Variants in DLGAP1 observed in about 807,000 individuals in gnomAD.
DLGAP1 encodes the protein DLG associated protein 1.
DLGAP1 carries 11 observed loss-of-function variants against 90.8 expected under a neutral mutation model. That is an observed-to-expected ratio of 0.12 (90% CI 0.08 to 0.20). DLGAP1 has a LOEUF of 0.20. Ranked by LOEUF, DLGAP1 falls within the 10% of genes least tolerant of loss-of-function variation. DLGAP1 has a pLI of 1.00. For synonymous variants in DLGAP1, 558 were observed against 540.7 expected, an observed-to-expected ratio of 1.03 and a Z score of -0.44; for missense variants, 1,050 against 1,333.8, an observed-to-expected ratio of 0.79 and a Z score of 3.31.
At chr18:3,768,994 T>C (rs1351225230) in intron 5 of DLGAP1, among the ~76,000 whole-genome samples, 2 of 152,054 alleles carry the variant, frequency 1.3e-5, no homozygotes, top group Admixed American at 6.5e-5. Context: ...AAGCTAGAAA[T>C]AGAAGATAAT....
At chr18:3,518,303 TTA>T (rs1253191248) in intron 10 of DLGAP1, among the ~76,000 whole-genome samples, 19 of 152,156 alleles carry the variant, frequency 1.2e-4, no homozygotes, top group Non-Finnish European at 1.8e-4. Flanking sequence ...GTTCACAGTC[TTA>T]TATGGGCACG....
At chr18:3,965,652 A>C (rs1266473521) in intron 3 of DLGAP1, among the ~76,000 whole-genome samples, 3 of 152,136 alleles carry the variant, frequency 2.0e-5, no homozygotes, top group Admixed American at 2.0e-4. Flanking sequence ...TACTGTTCTA[A>C]ATAATAGAGT....
intron 1 of DLGAP1, among the ~76,000 whole-genome samples, chr18:4,204,541 G>T (rs1015008155): frequency 3.3e-5 from 5 of 149,984 alleles, no homozygotes; most frequent in African/African-American, 1.2e-4. Context: ...TTTTCTGACC[G>T]CAGTGCATCA....
At chr18:4,153,424 T>C (rs1371242503) in intron 1 of DLGAP1, among the ~76,000 whole-genome samples, 1 of 152,204 alleles carries the variant, frequency 6.6e-6, no homozygotes, top group Non-Finnish European at 1.5e-5. Context: ...CCCAGGGCAT[T>C]TGCTTCTTGG....
intron 1 of DLGAP1, among the ~76,000 whole-genome samples, chr18:4,392,506 T>C (rs930303987): frequency 2.6e-5 from 4 of 152,156 alleles, no homozygotes; most frequent in South Asian, 2.1e-4. Context: ...AGGAATTTGA[T>C]CTTGTGTCAT....
chr18:4,009,681 G>C (rs1440628240), intron 2 of DLGAP1, among the ~76,000 whole-genome samples: 1 of 152,156 alleles, frequency 6.6e-6, no homozygotes, highest in Non-Finnish European at 1.5e-5. Context: ...GAAAATATTT[G>C]CATAATAACA....
chr18:4,097,002 A>T (rs1598396631), intron 2 of DLGAP1, among the ~76,000 whole-genome samples: 1 of 152,236 alleles, frequency 6.6e-6, no homozygotes, highest in African/African-American at 2.4e-5. Flanking sequence ...TGTCATCATT[A>T]TTCTTACAGG....
intron 4 of DLGAP1, among the ~76,000 whole-genome samples, chr18:3,860,256 A>C (rs1476262076): frequency 6.6e-6 from 1 of 152,132 alleles, no homozygotes; most frequent in Non-Finnish European, 1.5e-5. Context: ...AACTTTTGCA[A>C]TGTCTCTTAA....
intron 9 of DLGAP1, among the ~76,000 whole-genome samples, chr18:3,541,982 T>G (rs961118921): frequency 6.6e-6 from 1 of 152,132 alleles, no homozygotes; most frequent in Non-Finnish European, 1.5e-5. Flanking sequence ...TCATAATATG[T>G]CACCGGGGCT....
At chr18:4,418,310 A>C (rs1263448743) in intron 1 of DLGAP1, among the ~76,000 whole-genome samples, 2 of 152,180 alleles carry the variant, frequency 1.3e-5, no homozygotes, top group Non-Finnish European at 2.9e-5. Context: ...GTATATAGAA[A>C]GGCAAAAAGT....
intron 1 of DLGAP1, among the ~76,000 whole-genome samples, chr18:4,162,710 A>G (rs948351451): frequency 3.3e-5 from 5 of 152,128 alleles, no homozygotes; most frequent in Non-Finnish European, 7.4e-5. Context: ...GCCAATAATT[A>G]TTGTAATAAA....
At chr18:3,932,131 C>T (rs2072530741) in intron 3 of DLGAP1, among the ~76,000 whole-genome samples, 2 of 152,144 alleles carry the variant, frequency 1.3e-5, no homozygotes, top group South Asian at 4.1e-4. Flanking sequence ...AATAAGGCTG[C>T]TTCTAAAGTC....
chr18:3,992,669 C>A (rs2073992468), intron 3 of DLGAP1, among the ~76,000 whole-genome samples: 1 of 152,018 alleles, frequency 6.6e-6, no homozygotes, highest in Non-Finnish European at 1.5e-5. Flanking sequence ...AGAGCCAGAC[C>A]CTGTCTCTAA....
At chr18:4,210,746 C>G (rs894012685) in intron 1 of DLGAP1, among the ~76,000 whole-genome samples, 4 of 152,152 alleles carry the variant, frequency 2.6e-5, no homozygotes, top group African/African-American at 9.7e-5. Flanking sequence ...TTAGAAGATT[C>G]CTGATTCCAA....
At chr18:3,836,824 T>C (rs942355787) in intron 4 of DLGAP1, among the ~76,000 whole-genome samples, 5 of 152,350 alleles carry the variant, frequency 3.3e-5, no homozygotes, top group Admixed American at 2.0e-4. Context: ...ATTCTGCCAA[T>C]GCTTTTAATG....
Position 3,623,729 on chromosome 18 carries a change from G to A in DLGAP1, c.1592-41481C>T, listed in dbSNP as rs541688702. Among the ~76,000 whole-genome samples the A allele has an allele frequency of 1.5e-3, 228 of 148,146 alleles. 1 individual carries two copies. The highest frequency in any genetic ancestry group is 5.1e-3 in the African/African-American group (202 of 39,592). On this transcript the variant is annotated intron_variant, in intron 7 of 12. Coordinates refer to ENST00000315677, the MANE Select transcript of DLGAP1 (RefSeq NM_004746.4). Reference sequence around the variant, plus strand: ...GAGGCGGAGCTTGCAGTGAGCCGAGGTCACACTACTGCACCCCAGCCTGAG... The same window carrying A: ...GAGGCGGAGCTTGCAGTGAGCCGAGATCACACTACTGCACCCCAGCCTGAG...
At chr18:4,133,122 G>C (rs1009240605) in intron 2 of DLGAP1, among the ~76,000 whole-genome samples, 4 of 152,120 alleles carry the variant, frequency 2.6e-5, no homozygotes, top group African/African-American at 9.7e-5. Context: ...TTTGAGTAGA[G>C]GCTGCATGAG....
chr18:3,994,872 C>G (rs963402810), intron 3 of DLGAP1, among the ~76,000 whole-genome samples: 2 of 151,262 alleles, frequency 1.3e-5, no homozygotes, highest in African/African-American at 2.5e-5. Flanking sequence ...CATATAGATT[C>G]TAATTTTCTA....
At chr18:4,361,783 G>T (rs1331203024) in intron 1 of DLGAP1, among the ~76,000 whole-genome samples, 7 of 151,814 alleles carry the variant, frequency 4.6e-5, no homozygotes, top group African/African-American at 1.7e-4. Context: ...TAACAGCAGA[G>T]AAAAAAATGG....
Sources: allele counts gnomAD v4.1 joint callset (sites outside exome capture counted in the v4.1 genomes callset), GRCh38; gene constraint gnomAD v4.1.1; transcripts MANE v1.5; gene names NCBI Gene and HGNC (gene_info 2026-07-23, HGNC 2026-07-21).